DOCK3: variants seen among roughly 807,000 people sequenced by gnomAD.
DOCK3 encodes the protein dedicator of cytokinesis protein 3.
DOCK3 carries 60 observed loss-of-function variants against 265.6 expected under a neutral mutation model. That is an observed-to-expected ratio of 0.23 (90% CI 0.18 to 0.28). The LOEUF is 0.28. Among genes scored for constraint, DOCK3 ranks in the 10% least tolerant of loss-of-function variants. The pLI, the probability that DOCK3 is intolerant of heterozygous loss-of-function variation, is 1.00. For synonymous variants in DOCK3, 881 were observed against 938.0 expected, an observed-to-expected ratio of 0.94 and a Z score of 1.11; for missense variants, 1,981 against 2,594.3, an observed-to-expected ratio of 0.76 and a Z score of 5.14.
In DOCK3 at chr3:50,934,095, G is replaced by C. The variant is rs778065692; in HGVS notation, c.315+18G>C. The C allele has an allele frequency of 6.5e-7, 1 of 1,542,928 alleles. No individual in the cohort carries two copies. Among genetic ancestry groups the C allele is most frequent in the African/African-American group, 1.4e-5 (1 of 73,410 alleles). On this transcript the variant is annotated intron_variant, in intron 5 of 52. Transcript: ENST00000266037. ...TGTATGTGGTAAGTAGTTGATTACT[G>C]GTTTATTGGATCATTAAAGTTTAGT...
intron 27 of DOCK3, among the ~76,000 whole-genome samples, chr3:51,296,171 T>G (rs1301486878): frequency 6.6e-6 from 1 of 152,140 alleles, no homozygotes; most frequent in Non-Finnish European, 1.5e-5. Flanking sequence ...TATAGTTCTA[T>G]ACACCAGCAA....
At chr3:50,970,889 TTTTATA>T (rs1428648266) in intron 5 of DOCK3, among the ~76,000 whole-genome samples, 969 of 42,808 alleles carry the variant, frequency 0.023, 176 homozygotes, top group Middle Eastern at 0.05. Context: ...CTCATCTAAT[TTTTATA>T]TATATATATA....
At chr3:51,089,665 T>C (rs1216181644) in intron 8 of DOCK3, among the ~76,000 whole-genome samples, 4 of 152,028 alleles carry the variant, frequency 2.6e-5, no homozygotes, top group Non-Finnish European at 1.5e-5. Flanking sequence ...TCCCAGCACA[T>C]TGGGAGGCCA....
chr3:51,159,999 G>T (rs1446364600), intron 11 of DOCK3, among the ~76,000 whole-genome samples: 2 of 152,174 alleles, frequency 1.3e-5, no homozygotes, highest in African/African-American at 2.4e-5. Flanking sequence ...GTTTGTTAAG[G>T]TTCCAGCATT....
rs182865333 is a variant in DOCK3 at position 51,138,468 on chromosome 3, G to A, written c.747-8081G>A. ...GAAACTAGAGTATGAAAGTCTTGAGGAAATGTAAAGCTCAGGTTGGCACTG... is the reference window on the plus strand; with the variant it reads ...GAAACTAGAGTATGAAAGTCTTGAGAAAATGTAAAGCTCAGGTTGGCACTG... On this transcript the variant is annotated intron_variant, in intron 9 of 52. Coordinates refer to ENST00000266037, the MANE Select transcript of DOCK3 (RefSeq NM_004947.5). 1.2e-4 allele frequency among the ~76,000 whole-genome samples: 19 copies of A among 152,328 alleles called. No individual in the cohort carries two copies. The East Asian group carries it at 3.7e-3, about 29-fold the overall frequency.
At chr3:51,314,239 C>T (rs1258016998) in intron 31 of DOCK3, among the ~76,000 whole-genome samples, 1 of 152,160 alleles carries the variant, frequency 6.6e-6, no homozygotes, top group Non-Finnish European at 1.5e-5. Flanking sequence ...AGATGGCACG[C>T]CAATGAGAGG....
At chr3:51,093,615 T>TC (rs1477401112) in intron 9 of DOCK3, among the ~76,000 whole-genome samples, 1 of 152,246 alleles carries the variant, frequency 6.6e-6, no homozygotes, top group Admixed American at 6.5e-5. Flanking sequence ...TTTACAATCA[T>TC]GTCATCTGCA....
chr3:50,877,421 C>G, intron 3 of DOCK3: 1 of 519,904 alleles, frequency 1.9e-6, no homozygotes, highest in Non-Finnish European at 3.8e-6. Context: ...TCCAATGGCC[C>G]AGAAATCTGT....
chr3:51,376,799 G>A (rs2088177773), intron 51 of DOCK3, among the ~76,000 whole-genome samples: 1 of 152,208 alleles, frequency 6.6e-6, no homozygotes, highest in African/African-American at 2.4e-5. Context: ...TGCTCATCAT[G>A]GAGGACATAC....
chr3:50,828,722 A>AG lies in DOCK3; in HGVS notation c.122-12953_122-12952insG, dbSNP rs556849560. Among the ~76,000 whole-genome samples, 30 of 142,560 alleles carry AG rather than the reference A, an allele frequency of 2.1e-4. 2 individuals are homozygous for AG. In the South Asian group the frequency reaches 6.6e-3, roughly 31 times the overall value. 93.5% of individuals were successfully genotyped at this position (142,560 alleles called of 152,430 possible). Reference sequence around the variant, plus strand: ...GCCCAACCTTTTACCCTTTTCTTTTATTTTTTATTGAGACGGAGTCTCACT... The same window carrying AG: ...GCCCAACCTTTTACCCTTTTCTTTTAGTTTTTTATTGAGACGGAGTCTCACT... On this transcript the variant is annotated intron_variant, in intron 2 of 52. Coordinates refer to ENST00000266037, the MANE Select transcript of DOCK3 (RefSeq NM_004947.5).
chr3:51,027,745 A>G (rs1344152576), intron 5 of DOCK3, among the ~76,000 whole-genome samples: 1 of 152,106 alleles, frequency 6.6e-6, no homozygotes, highest in African/African-American at 2.4e-5. Flanking sequence ...TGTATCTGAT[A>G]TAGGAATAGC....
chr3:51,350,002 T>C (rs1052038316), intron 39 of DOCK3, among the ~76,000 whole-genome samples: 8 of 152,168 alleles, frequency 5.3e-5, no homozygotes, highest in African/African-American at 1.2e-4. Flanking sequence ...CAGATCTCTA[T>C]AGGGCTGAGT....
intron 40 of DOCK3, among the ~76,000 whole-genome samples, chr3:51,352,739 G>A (rs2086087066): frequency 1.3e-5 from 2 of 152,204 alleles, no homozygotes; most frequent in African/African-American, 4.8e-5. Context: ...ATAAGTCCCA[G>A]TGGAGGTAGC....
intron 1 of DOCK3, among the ~76,000 whole-genome samples, chr3:50,727,910 C>T (rs963043768): frequency 2.6e-5 from 4 of 152,120 alleles, no homozygotes; most frequent in African/African-American, 9.7e-5. Context: ...AAGAAACAGA[C>T]ATTATCTCAG....
intron 12 of DOCK3, among the ~76,000 whole-genome samples, chr3:51,161,766 A>G (rs1409915877): frequency 6.6e-6 from 1 of 152,192 alleles, no homozygotes; most frequent in Non-Finnish European, 1.5e-5. Flanking sequence ...TGTTTAAAAG[A>G]ATGATCATGA....
chr3:50,754,183 C>T (rs1177858466), intron 1 of DOCK3, among the ~76,000 whole-genome samples: 1 of 115,966 alleles, frequency 8.6e-6, no homozygotes, highest in African/African-American at 3.1e-5. Context: ...AAAAAAAAAG[C>T]TGCAGGAGGA....
At chr3:51,079,590 C>T (rs1361441816) in intron 7 of DOCK3, among the ~76,000 whole-genome samples, 2 of 151,954 alleles carry the variant, frequency 1.3e-5, no homozygotes, top group African/African-American at 2.4e-5. Flanking sequence ...TGGGCTCAAG[C>T]GATCCTCCCA....
intron 9 of DOCK3, 28 bp from the exon 10 acceptor site, chr3:51,146,521 C>A: frequency 6.4e-7 from 1 of 1,567,062 alleles, no homozygotes; most frequent in East Asian, 2.3e-5. Flanking sequence ...ACTCACATTT[C>A]TCTATATCTT....
chr3:50,811,712 T>C (rs929843096), intron 2 of DOCK3, among the ~76,000 whole-genome samples: 1 of 152,086 alleles, frequency 6.6e-6, no homozygotes, highest in African/African-American at 2.4e-5. Context: ...ATTAGGGGGT[T>C]ATTACAGTTA....
Sources: gnomAD v4.1 joint callset for allele counts (sites outside exome capture counted in the v4.1 genomes callset) on GRCh38, gnomAD v4.1.1 for gene constraint, MANE v1.5 for transcripts, NCBI Gene and HGNC (gene_info 2026-07-23, HGNC 2026-07-21) for gene names.